The following ATP8A1 variants were observed in gnomAD, a reference collection of about 807,000 sequenced individuals.
ATP8A1 encodes the protein ATPase phospholipid transporting 8A1, also known as phospholipid-transporting ATPase IA.
A neutral mutation model predicts 177.7 loss-of-function variants in ATP8A1; 90 were observed. The ratio of observed to expected loss-of-function variants is 0.51; its 90% CI spans 0.43 to 0.60. ATP8A1 has a LOEUF of 0.60. ATP8A1 is among the 20% of genes least tolerant of loss of function. The pLI is 0.00. For missense variants in ATP8A1, 1,072 were observed against 1,392.8 expected, an observed-to-expected ratio of 0.77 and a Z score of 3.67; for synonymous variants, 493 against 485.9, an observed-to-expected ratio of 1.01 and a Z score of -0.19.
rs573072826 is a variant in ATP8A1 at position 42,631,476 on chromosome 4, T to C, written c.50-4367A>G. On this transcript the variant is annotated intron_variant, in intron 1 of 36. Coordinates refer to ENST00000381668, the MANE Select transcript of ATP8A1 (RefSeq NM_006095.2). ...ATGACCAAAGTAACCCACCCACCAG[T>C]GGTTAGGTGAACTGAGACTCTCATA... 2.0e-5 allele frequency among the ~76,000 whole-genome samples: 3 copies of C among 152,260 alleles called. No homozygotes were observed. In the South Asian group the frequency reaches 6.2e-4, roughly 32 times the overall value.
chr4:42,477,915 C>T (rs747713539), intron 25 of ATP8A1, among the ~76,000 whole-genome samples: 18 of 151,536 alleles, frequency 1.2e-4, no homozygotes, highest in Non-Finnish European at 1.9e-4. Flanking sequence ...CCTTGGAGGT[C>T]GAAGCTTCGG....
chr4:42,528,296 A>C (rs941769492), intron 20 of ATP8A1, among the ~76,000 whole-genome samples: 3 of 152,178 alleles, frequency 2.0e-5, no homozygotes, highest in African/African-American at 7.2e-5. Context: ...AATGGAAGCC[A>C]TGAGAGCTGC....
intron 34 of ATP8A1, 76 bp from the exon 35 acceptor site, chr4:42,422,975 T>C (rs1714166824): frequency 8.7e-7 from 1 of 1,149,440 alleles, no homozygotes; most frequent in Non-Finnish European, 1.3e-6. Flanking sequence ...GTCTGGCTTA[T>C]TATCACGCGG....
intron 22 of ATP8A1, among the ~76,000 whole-genome samples, chr4:42,510,099 A>C (rs563070650): frequency 3.3e-5 from 5 of 152,332 alleles, no homozygotes; most frequent in African/African-American, 9.6e-5. Flanking sequence ...GACAAGACCA[A>C]AATCCAGAAA....
intron 33 of ATP8A1, among the ~76,000 whole-genome samples, chr4:42,426,425 C>T (rs1425203749): frequency 6.6e-6 from 1 of 152,196 alleles, no homozygotes; most frequent in Non-Finnish European, 1.5e-5. Context: ...AGGCCCTTTG[C>T]AGAACTCTAA....
intron 25 of ATP8A1, among the ~76,000 whole-genome samples, chr4:42,471,338 G>T (rs982597294): frequency 2.6e-5 from 4 of 152,176 alleles, no homozygotes; most frequent in Non-Finnish European, 5.9e-5. Context: ...TTACAATATA[G>T]AGACTGAGTC....
chr4:42,535,081 T>A (rs1444860121), intron 20 of ATP8A1, among the ~76,000 whole-genome samples: 1 of 151,538 alleles, frequency 6.6e-6, no homozygotes, highest in African/African-American at 2.4e-5. Context: ...ACAGGACCTG[T>A]AAAATAATAA....
At chr4:42,613,824 T>C (rs963917292) in intron 5 of ATP8A1, among the ~76,000 whole-genome samples, 6 of 152,094 alleles carry the variant, frequency 3.9e-5, no homozygotes, top group African/African-American at 1.4e-4. Context: ...CCTCTGGCGA[T>C]CCATCCGCCT....
At chr4:42,603,108 T>G (rs1227362330) in intron 5 of ATP8A1, among the ~76,000 whole-genome samples, 1 of 152,154 alleles carries the variant, frequency 6.6e-6, no homozygotes, top group Non-Finnish European at 1.5e-5. Context: ...ATCAAGATAT[T>G]TGACATGAAG....
At chr4:42,557,071 T>C (rs1225685381) in intron 15 of ATP8A1, among the ~76,000 whole-genome samples, 1 of 152,196 alleles carries the variant, frequency 6.6e-6, no homozygotes, top group Non-Finnish European at 1.5e-5. Flanking sequence ...GTATCTTCAA[T>C]GAAACACATT....
At chr4:42,540,325 T>C (rs537405814) in intron 20 of ATP8A1, among the ~76,000 whole-genome samples, 2 of 152,268 alleles carry the variant, frequency 1.3e-5, no homozygotes, top group Admixed American at 1.3e-4. Context: ...TTACATACTG[T>C]TGGTGGGAAT....
chr4:42,437,518 C>T (rs1374173275), intron 33 of ATP8A1, among the ~76,000 whole-genome samples: 6 of 152,278 alleles, frequency 3.9e-5, no homozygotes, highest in Middle Eastern at 3.4e-3. Context: ...CAGCCAAGTT[C>T]GTCACACTAG....
chr4:42,605,383 T>C (rs1735692346), intron 5 of ATP8A1, among the ~76,000 whole-genome samples: 1 of 152,206 alleles, frequency 6.6e-6, no homozygotes, highest in Non-Finnish European at 1.5e-5. Flanking sequence ...TAATTTAATC[T>C]AGCCCTCCTC....
chr4:42,633,751 T>G (rs949906219), intron 1 of ATP8A1, among the ~76,000 whole-genome samples: 2 of 152,140 alleles, frequency 1.3e-5, no homozygotes, highest in Non-Finnish European at 2.9e-5. Context: ...TAGTAATGAA[T>G]GTGAGCTATT....
At chr4:42,486,866 G>C (rs112762691) in intron 24 of ATP8A1, among the ~76,000 whole-genome samples, 7 of 152,318 alleles carry the variant, frequency 4.6e-5, no homozygotes, top group African/African-American at 1.7e-4. Flanking sequence ...TGTAGCCTGA[G>C]TCTGGAATAG....
In ATP8A1 at chr4:42,567,309, C is replaced by T. The variant is rs1435191334; in HGVS notation, c.1340+1852G>A. Among the ~76,000 whole-genome samples the T allele has an allele frequency of 3.3e-5, 5 of 152,242 alleles. No homozygotes were observed. The South Asian group carries it at 6.2e-4, about 19-fold the overall frequency. ...ATCCCAGCACTTTGGGAGGCTGAGG[C>T]GGGCGGATAACCTGAGGTCAGGAGT... On this transcript the variant is annotated intron_variant, in intron 15 of 36. Coordinates refer to ENST00000381668, the MANE Select transcript of ATP8A1 (RefSeq NM_006095.2).
At chr4:42,569,910 A>G (rs1731741055) in intron 14 of ATP8A1, among the ~76,000 whole-genome samples, 1 of 152,140 alleles carries the variant, frequency 6.6e-6, no homozygotes, top group South Asian at 2.1e-4. Flanking sequence ...CATGTATTCA[A>G]TTGGAAGGGG....
intron 24 of ATP8A1, among the ~76,000 whole-genome samples, chr4:42,499,824 G>C (rs1723646300): frequency 6.6e-6 from 1 of 152,114 alleles, no homozygotes; most frequent in Non-Finnish European, 1.5e-5. Flanking sequence ...GCCAAAGATG[G>C]GCCACAGTAT....
chr4:42,434,497 T>A (rs1490691395), intron 33 of ATP8A1, among the ~76,000 whole-genome samples: 1 of 152,188 alleles, frequency 6.6e-6, no homozygotes, highest in Non-Finnish European at 1.5e-5. Flanking sequence ...AAAACAGCTG[T>A]TATATGGCTT....
Sources: gnomAD v4.1 joint callset for allele counts (sites outside exome capture counted in the v4.1 genomes callset) on GRCh38, gnomAD v4.1.1 for gene constraint, MANE v1.5 for transcripts, NCBI Gene and HGNC (gene_info 2026-07-23, HGNC 2026-07-21) for gene names.